HK1: variants seen among roughly 807,000 people sequenced by gnomAD.
HK1 encodes hexokinase-1.
In HK1, 28 loss-of-function variants were observed where a neutral mutation model predicts 91.6. The ratio of observed to expected loss-of-function variants is 0.31; its 90% CI spans 0.23 to 0.42. The LOEUF is 0.42. Among genes scored for constraint, HK1 ranks in the 10% least tolerant of loss-of-function variants. The probability of loss-of-function intolerance (pLI) is 1.00; values close to 1 mark genes in which losing one functional copy is unlikely to be tolerated. For synonymous variants in HK1, 430 were observed against 468.1 expected, an observed-to-expected ratio of 0.92 and a Z score of 1.05; for missense variants, 770 against 1,219.8, an observed-to-expected ratio of 0.63 and a Z score of 5.49.
upstream of HK1, among the ~76,000 whole-genome samples, chr10:69,312,812 T>G (rs1457487206): frequency 6.6e-6 from 1 of 152,060 alleles, no homozygotes; most frequent in Non-Finnish European, 1.5e-5. Context: ...ATCCTTCTGG[T>G]CTTTTGGTCT....
chr10:69,288,644 C>A (rs1189568835), intron 2 of HK1: 5 of 1,055,634 alleles, frequency 4.7e-6, no homozygotes, highest in Admixed American at 1.7e-5. Context: ...TCTGACCCTG[C>A]CTTCTTTGAA....
intron 1 of HK1, among the ~76,000 whole-genome samples, chr10:69,319,865 A>C (rs1179211024): frequency 6.6e-6 from 1 of 152,186 alleles, no homozygotes; most frequent in Non-Finnish European, 1.5e-5. Context: ...ATTTTAAAGA[A>C]ACAGCCTAAG....
In HK1 at chr10:69,354,530, A is replaced by G. The variant is rs186471810; in HGVS notation, c.227-5367A>G. Among the ~76,000 whole-genome samples the G allele has an allele frequency of 1.9e-3, 282 of 152,214 alleles. 2 individuals carry two copies. Among genetic ancestry groups the G allele is most frequent in the Middle Eastern group, 6.8e-3 (2 of 294 alleles). On this transcript the variant is annotated intron_variant, in intron 2 of 17. Transcript: ENST00000359426. Reference sequence around the variant, plus strand: ...CTATCACGAGAACAGCATGGGGGGAACCACCTCCATGATTCAGTTACCTCC... The same window carrying G: ...CTATCACGAGAACAGCATGGGGGGAGCCACCTCCATGATTCAGTTACCTCC...
chr10:69,321,914 C>T (rs914117925), intron 1 of HK1, among the ~76,000 whole-genome samples: 2 of 152,154 alleles, frequency 1.3e-5, no homozygotes, highest in African/African-American at 4.8e-5. Context: ...CTTCTAGTGC[C>T]TGTAGGAGGA....
At chr10:69,388,208 G>A (rs941935981) in intron 13 of HK1, among the ~76,000 whole-genome samples, 1 of 152,190 alleles carries the variant, frequency 6.6e-6, no homozygotes, top group Admixed American at 6.5e-5. Context: ...GGGAGGCCAA[G>A]GCAGGAGGAA....
At chr10:69,398,539 C>T in intron 16 of HK1, 56 bp from the exon 17 acceptor site, 1 of 1,404,870 alleles carries the variant, frequency 7.1e-7, no homozygotes, top group South Asian at 1.2e-5. Context: ...ACGTGGTCTC[C>T]AGGCTGCTCT....
intron 1 of HK1, among the ~76,000 whole-genome samples, chr10:69,276,106 A>ATAT (rs1564746684): frequency 2.2e-4 from 10 of 45,838 alleles, no homozygotes; most frequent in Non-Finnish European, 3.1e-4. Flanking sequence ...AAAAAAAAAA[A>ATAT]AAAAAAAAAA....
intron 2 of HK1, among the ~76,000 whole-genome samples, chr10:69,358,647 A>G (rs1249207529): frequency 1.3e-5 from 2 of 148,892 alleles, no homozygotes; most frequent in African/African-American, 2.6e-5. Context: ...AGATCACCTG[A>G]GGTCAGGAGT....
At chr10:69,364,960 A>C in intron 4 of HK1, 58 bp downstream of exon 4, 1 of 1,603,850 alleles carries the variant, frequency 6.2e-7, no homozygotes, top group Non-Finnish European at 8.5e-7. Context: ...AAAAGCTAAC[A>C]AGCCCTTTTC....
At chr10:69,362,590 C>T (rs937465806) in intron 3 of HK1, among the ~76,000 whole-genome samples, 4 of 152,146 alleles carry the variant, frequency 2.6e-5, no homozygotes, top group South Asian at 2.1e-4. Flanking sequence ...ACTCCAGAAA[C>T]GGCCTTTCCT....
At position 69,343,967 on chromosome 10, in the gene HK1, A is replaced by G; in HGVS notation, c.204A>G (p.Val68=). Residue 68 remains valine, a synonymous_variant, in exon 2 of 18, where the codon GTA becomes GTG. Transcript: ENST00000359426. ...CAGTCAAGATGTTGCCAACATTCGT[A>G]AGGTCCATTCCTGATGGCTCTGGTA... is the stretch of plus-strand genomic sequence containing the variant. ...TATVKMLPTF[V]RSIPDGSEKG... 1 of 1,614,182 alleles carries G rather than the reference A, an allele frequency of 6.2e-7. No homozygotes were observed. Among genetic ancestry groups the G allele is most frequent in the Non-Finnish European group, 8.5e-7 (1 of 1,180,006 alleles).
At chr10:69,396,283 AAAAG>A in intron 16 of HK1, among the ~76,000 whole-genome samples, 1 of 151,952 alleles carries the variant, frequency 6.6e-6, no homozygotes, top group Admixed American at 6.6e-5. Context: ...AAAAAAAAAA[AAAAG>A]AGAAAGAAAA....
At chr10:69,317,611 T>A (rs1846718291), upstream of HK1, among the ~76,000 whole-genome samples, 1 of 152,058 alleles carries the variant, frequency 6.6e-6, no homozygotes, top group African/African-American at 2.4e-5. Context: ...AGTGACCTAT[T>A]TAGGCAGAGG....
At chr10:69,345,624 C>T (rs1026993906) in intron 2 of HK1, among the ~76,000 whole-genome samples, 2 of 152,118 alleles carry the variant, frequency 1.3e-5, no homozygotes, top group South Asian at 2.1e-4. Context: ...CAGAAGGCTA[C>T]CTGATCCCTG....
chr10:69,386,322 G>A lies in HK1; in HGVS notation c.1840-1G>A. ...CTCTCCTGGTGCTTTTTATGTTGTA[G>A]GGAATCTTGATCACGTGGACAAAGG... is the stretch of plus-strand genomic sequence containing the variant. On this transcript the variant is annotated splice_acceptor_variant, in intron 12 of 17. Transcript: ENST00000359426. LOFTEE classifies it high-confidence loss of function. 6.2e-7 allele frequency: 1 copy of A among 1,613,340 alleles called. No individual in the cohort carries two copies. The highest frequency in any genetic ancestry group is 8.5e-7 in the Non-Finnish European group (1 of 1,179,292).
Position 69,398,631 on chromosome 10 carries a change from C to T in HK1, c.2412C>T (p.Leu804=). ...RLALLQVRAI[L]QQLGLNSTCD... ...CACTGCTCCAGGTCCGGGCTATCCT[C>T]CAGCAGCTAGGTCTGAATAGCACCT... Residue 804 remains leucine (L), a synonymous_variant, in exon 17 of 18, where the codon CTC becomes CTT. Coordinates refer to ENST00000359426, the MANE Select transcript of HK1 (RefSeq NM_000188.3). 5 of 1,614,020 alleles carry T rather than the reference C, an allele frequency of 3.1e-6. No individual in the cohort carries two copies. The highest frequency in any genetic ancestry group is 4.2e-6 in the Non-Finnish European group (5 of 1,179,980).
chr10:69,273,413 T>C (rs1027304697), intron 1 of HK1, among the ~76,000 whole-genome samples: 11 of 152,208 alleles, frequency 7.2e-5, no homozygotes, highest in African/African-American at 2.7e-4. Context: ...AGATGGAGTT[T>C]CACCGTGTCA....
upstream of HK1, among the ~76,000 whole-genome samples, chr10:69,315,486 G>T (rs1194500721): frequency 6.6e-6 from 1 of 152,184 alleles, no homozygotes; most frequent in Non-Finnish European, 1.5e-5. Context: ...GGAAGTGGAG[G>T]GCCATCTGGA....
intron 2 of HK1, among the ~76,000 whole-genome samples, chr10:69,354,629 G>A (rs1234439240): frequency 6.1e-5 from 9 of 146,722 alleles, no homozygotes; most frequent in Admixed American, 6.0e-4. Context: ...GGGACACAAA[G>A]CCTAACCATA....
Sources: allele counts gnomAD v4.1 joint callset (sites outside exome capture counted in the v4.1 genomes callset), GRCh38; gene constraint gnomAD v4.1.1; transcripts MANE v1.5; gene names NCBI Gene and HGNC (gene_info 2026-07-23, HGNC 2026-07-21).